The following NKAIN3 variants were observed in gnomAD, a reference collection of about 807,000 sequenced individuals.
NKAIN3 encodes the protein sodium/potassium transporting ATPase interacting 3.
A neutral mutation model predicts 30.2 loss-of-function variants in NKAIN3; 25 were observed. That is an observed-to-expected ratio of 0.83 (90% CI 0.60 to 1.16). The LOEUF (loss-of-function observed/expected upper bound fraction) is 1.16. Ranked by LOEUF, NKAIN3 falls within the 50% of genes most tolerant of loss-of-function variation. NKAIN3 has a pLI of 0.00. For synonymous variants in NKAIN3, 91 were observed against 89.6 expected (o/e 1.02, Z -0.09); for missense variants, 225 against 254.1 (o/e 0.89, Z 0.78).
intron 3 of NKAIN3, among the ~76,000 whole-genome samples, chr8:62,653,850 A>T (rs576463442): frequency 1.5e-3 from 232 of 152,286 alleles, no homozygotes; most frequent in Non-Finnish European, 2.5e-3. Context: ...AAACCTTGTG[A>T]TATTCTGGGT....
intron 4 of NKAIN3, chr8:62,856,063 AC>A: frequency 1.4e-6 from 1 of 697,624 alleles, no homozygotes; most frequent in South Asian, 1.6e-5. Flanking sequence ...AAGGGCTTAC[AC>A]CCCATGAGCA....
chr8:62,503,873 G>T (rs1003365369), intron 1 of NKAIN3, among the ~76,000 whole-genome samples: 2 of 151,978 alleles, frequency 1.3e-5, no homozygotes, highest in Non-Finnish European at 2.9e-5. Context: ...TCAAACACAC[G>T]TTTTACAATC....
At chr8:62,886,385 C>G (rs762655894) in intron 4 of NKAIN3, among the ~76,000 whole-genome samples, 1 of 151,834 alleles carries the variant, frequency 6.6e-6, no homozygotes, top group Admixed American at 6.6e-5. Flanking sequence ...TATGAATAAG[C>G]TATTGTCTAT....
chr8:62,973,119 C>T lies in NKAIN3; in HGVS notation c.*7712C>T, dbSNP rs1563650999. 6.6e-6 allele frequency among the ~76,000 whole-genome samples: 1 copy of T among 152,144 alleles called. No homozygotes were observed. Among genetic ancestry groups the T allele is most frequent in the Non-Finnish European group, 1.5e-5 (1 of 68,030 alleles). ...CAAGTCTTTGCTATTGTGAATAGTG[C>T]TGCAATAAACATAGGAGTGCATGTG... On this transcript the variant is annotated 3_prime_UTR_variant, in exon 7 of 7. Coordinates refer to ENST00000623646, the MANE Select transcript of NKAIN3 (RefSeq NM_001304533.3).
At chr8:62,555,828 T>C (rs1225488348) in intron 1 of NKAIN3, among the ~76,000 whole-genome samples, 1 of 152,004 alleles carries the variant, frequency 6.6e-6, no homozygotes, top group Non-Finnish European at 1.5e-5. Flanking sequence ...TTTTAAGACC[T>C]GATAGAGTAA....
chr8:62,955,994 A>T (rs1823408171), intron 6 of NKAIN3, among the ~76,000 whole-genome samples: 1 of 152,246 alleles, frequency 6.6e-6, no homozygotes, highest in Non-Finnish European at 1.5e-5. Context: ...ATGAATATGG[A>T]ATGCCTTTCA....
At chr8:62,279,343 G>A (rs1208855649) in intron 1 of NKAIN3, among the ~76,000 whole-genome samples, 1 of 152,178 alleles carries the variant, frequency 6.6e-6, no homozygotes, top group Non-Finnish European at 1.5e-5. Flanking sequence ...TCTGATGGTA[G>A]TTTCTTTTGC....
At chr8:62,369,432 A>G (rs1816836961) in intron 1 of NKAIN3, among the ~76,000 whole-genome samples, 1 of 152,036 alleles carries the variant, frequency 6.6e-6, no homozygotes, top group Non-Finnish European at 1.5e-5. Context: ...TTGGTTATGC[A>G]TGTCTGTAAA....
At chr8:62,427,595 A>G (rs1804847983) in intron 1 of NKAIN3, among the ~76,000 whole-genome samples, 1 of 152,028 alleles carries the variant, frequency 6.6e-6, no homozygotes, top group Non-Finnish European at 1.5e-5. Flanking sequence ...CTCATAGAGC[A>G]TGTCTCTGTG....
rs149785120 is a variant in NKAIN3, at chr8:62,841,305, C to T, written c.472-77148C>T. Among the ~76,000 whole-genome samples, 266 of 151,972 alleles carry T rather than the reference C, an allele frequency of 1.8e-3. 1 individual carries two copies. Among genetic ancestry groups the T allele is most frequent in the African/African-American group, 6.1e-3 (253 of 41,480 alleles). ...ATTAACATATATATCCCTTCCCTTG[C>T]TTGACATTTTTTGTGATGACATCTT... On this transcript the variant is annotated intron_variant, in intron 4 of 6. Transcript: ENST00000623646.
chr8:62,308,977 AGG>A, intron 1 of NKAIN3, among the ~76,000 whole-genome samples: 1 of 150,514 alleles, frequency 6.6e-6, no homozygotes, highest in East Asian at 1.9e-4. Flanking sequence ...TGATATTTAA[AGG>A]GCTTGTTATT....
At chr8:62,474,649 T>G (rs1806457525) in intron 1 of NKAIN3, among the ~76,000 whole-genome samples, 1 of 152,158 alleles carries the variant, frequency 6.6e-6, no homozygotes, top group African/African-American at 2.4e-5. Context: ...ATCATCAATC[T>G]AAAATGTTGT....
At chr8:62,513,332 C>A (rs1266399513) in intron 1 of NKAIN3, among the ~76,000 whole-genome samples, 1 of 151,212 alleles carries the variant, frequency 6.6e-6, no homozygotes, top group South Asian at 2.1e-4. Context: ...GCAAAATAGA[C>A]CCAGTTGCTG....
At chr8:62,781,219 A>T (rs1817343930) in intron 4 of NKAIN3, among the ~76,000 whole-genome samples, 1 of 151,952 alleles carries the variant, frequency 6.6e-6, no homozygotes, top group Admixed American at 6.6e-5. Flanking sequence ...GAATAAATTT[A>T]ATCAAGGATG....
chr8:62,800,000 T>C (rs1260205681), intron 4 of NKAIN3, among the ~76,000 whole-genome samples: 1 of 152,106 alleles, frequency 6.6e-6, no homozygotes, highest in Non-Finnish European at 1.5e-5. Context: ...AGCTAAGATA[T>C]GAGGACGCAA....
intron 3 of NKAIN3, among the ~76,000 whole-genome samples, chr8:62,605,007 T>C (rs1307516515): frequency 6.6e-6 from 1 of 152,054 alleles, no homozygotes; most frequent in Non-Finnish European, 1.5e-5. Flanking sequence ...TCTGTAGGTG[T>C]AGGTATGGTC....
At chr8:62,803,385 G>A (rs1189978484) in intron 4 of NKAIN3, among the ~76,000 whole-genome samples, 1 of 152,002 alleles carries the variant, frequency 6.6e-6, no homozygotes, top group Non-Finnish European at 1.5e-5. Context: ...CTCAGCAAAT[G>A]TAAAAAAACA....
At chr8:62,818,201 T>G (rs1223564687) in intron 4 of NKAIN3, among the ~76,000 whole-genome samples, 3 of 152,158 alleles carry the variant, frequency 2.0e-5, no homozygotes, top group Non-Finnish European at 4.4e-5. Flanking sequence ...CAATTCCTTG[T>G]TTGATATTTA....
At chr8:62,737,715 A>AT (rs1815719702) in intron 3 of NKAIN3, among the ~76,000 whole-genome samples, 1 of 152,110 alleles carries the variant, frequency 6.6e-6, no homozygotes, top group Non-Finnish European at 1.5e-5. Flanking sequence ...CCTCAACTTT[A>AT]TTTTTTTAGT....
Sources: gnomAD v4.1 joint callset for allele counts (sites outside exome capture counted in the v4.1 genomes callset) on GRCh38, gnomAD v4.1.1 for gene constraint, MANE v1.5 for transcripts, NCBI Gene and HGNC (gene_info 2026-07-23, HGNC 2026-07-21) for gene names.